The following GPD2 variants were observed in gnomAD, a reference collection of about 807,000 sequenced individuals.
GPD2 encodes the protein glycerol-3-phosphate dehydrogenase, mitochondrial.
GPD2 carries 54 observed loss-of-function variants against 82.4 expected under a neutral mutation model. The observed-to-expected ratio is 0.66, with a 90% confidence interval of 0.53 to 0.82. GPD2 has a LOEUF of 0.82. Among genes scored for constraint, GPD2 ranks in the 40% least tolerant of loss-of-function variants. GPD2 has a pLI of 0.00. For missense variants in GPD2, 748 were observed against 896.2 expected (o/e 0.83, Z 2.11); for synonymous variants, 288 against 306.1 (o/e 0.94, Z 0.62).
intron 6 of GPD2, among the ~76,000 whole-genome samples, chr2:156,547,548 G>C (rs1451234144): frequency 6.6e-6 from 1 of 152,178 alleles, no homozygotes; most frequent in African/African-American, 2.4e-5. Flanking sequence ...TCTCAGATTT[G>C]AGTCAAGACA....
At chr2:156,459,660 C>A (rs1682914773) in intron 1 of GPD2, among the ~76,000 whole-genome samples, 1 of 112,352 alleles carries the variant, frequency 8.9e-6, no homozygotes, top group South Asian at 3.0e-4. Context: ...TGCATTCTAG[C>A]CTGGCGACAG....
intron 9 of GPD2, among the ~76,000 whole-genome samples, chr2:156,565,259 A>G (rs1056499827): frequency 6.6e-6 from 1 of 152,108 alleles, no homozygotes; most frequent in African/African-American, 2.4e-5. Flanking sequence ...GACCACAATG[A>G]CGTTGTAAGC....
At chr2:156,540,615 T>C (rs1250110898) in intron 6 of GPD2, among the ~76,000 whole-genome samples, 1 of 152,242 alleles carries the variant, frequency 6.6e-6, no homozygotes, top group African/African-American at 2.4e-5. Context: ...ATTTCCTTTA[T>C]GAAAAGTGAC....
At chr2:156,514,941 A>C (rs2105277219) in intron 6 of GPD2, among the ~76,000 whole-genome samples, 1 of 152,274 alleles carries the variant, frequency 6.6e-6, no homozygotes. Context: ...GTATGAAGGC[A>C]TTCTGTAAAT....
the GPD2 span, among the ~76,000 whole-genome samples, chr2:156,423,206 A>G: frequency 6.6e-6 from 1 of 152,170 alleles, no homozygotes; most frequent in African/African-American, 2.4e-5. Context: ...GTTTTCACAT[A>G]TTTTTGTTTT....
rs1574030280 is a variant in GPD2 at position 156,586,201 on chromosome 2, A to G, written c.*3283A>G. The stretch of plus-strand genomic sequence containing the variant: ...TACTTGCAGTCAGATAACTTTGATT[A>G]CTGTTGAAGTTTAAAAAAAGTTTGA... On this transcript the variant is annotated 3_prime_UTR_variant, in exon 17 of 17. Transcript: ENST00000438166. 1 of 152,414 alleles carries G rather than the reference A, an allele frequency of 6.6e-6. No homozygotes were observed. The highest frequency in any genetic ancestry group is 1.9e-4 in the East Asian group (1 of 5,174). 9.4% of individuals were successfully genotyped at this position (152,414 alleles called of 1,614,324 possible). A position where few individuals can be genotyped will look rare whatever the true frequency, so the allele number is the denominator to read the frequency against.
At chr2:156,533,119 T>G (rs750330728) in intron 6 of GPD2, among the ~76,000 whole-genome samples, 4 of 152,176 alleles carry the variant, frequency 2.6e-5, no homozygotes, top group Non-Finnish European at 5.9e-5. Flanking sequence ...TGCAGAATGT[T>G]TCTCTTGGTG....
chr2:156,459,706 A>AAAAAAAAAAAG (rs1553465808), intron 1 of GPD2, among the ~76,000 whole-genome samples: 15 of 148,960 alleles, frequency 1.0e-4, no homozygotes, highest in Middle Eastern at 3.5e-3. Context: ...AAAAAAAAAA[A>AAAAAAAAAAAG]AAAGAAAGAA....
chr2:156,560,631 A>G (rs569726857), intron 9 of GPD2, among the ~76,000 whole-genome samples: 4 of 152,292 alleles, frequency 2.6e-5, no homozygotes, highest in Non-Finnish European at 5.9e-5. Context: ...CTTATTTCTA[A>G]TTGACTGAAA....
intron 1 of GPD2, among the ~76,000 whole-genome samples, chr2:156,459,557 G>A (rs1682910654): frequency 1.3e-5 from 2 of 151,526 alleles, no homozygotes; most frequent in East Asian, 1.9e-4. Flanking sequence ...GCATGGTGGC[G>A]CATGCCTGTA....
At chr2:156,457,537 C>G (rs185843974) in intron 1 of GPD2, among the ~76,000 whole-genome samples, 1 of 152,312 alleles carries the variant, frequency 6.6e-6, no homozygotes, top group African/African-American at 2.4e-5. Flanking sequence ...AGTGTCCATT[C>G]TATTTGAGTG....
intron 1 of GPD2, among the ~76,000 whole-genome samples, chr2:156,468,546 G>C (rs562580349): frequency 6.6e-6 from 1 of 152,168 alleles, no homozygotes; most frequent in Non-Finnish European, 1.5e-5. Flanking sequence ...ACCACAAAAG[G>C]CTTAGGTAAA....
At chr2:156,464,033 GA>G (rs1189863126) in intron 1 of GPD2, among the ~76,000 whole-genome samples, 3 of 152,170 alleles carry the variant, frequency 2.0e-5, no homozygotes, top group Non-Finnish European at 4.4e-5. Context: ...CAACTGAGGA[GA>G]GTAAGATCTT....
chr2:156,470,997 G>A (rs1262297382), intron 1 of GPD2, among the ~76,000 whole-genome samples: 5 of 152,212 alleles, frequency 3.3e-5, no homozygotes, highest in African/African-American at 1.2e-4. Context: ...TGTTTTCTGA[G>A]TAGATGTTCC....
the GPD2 span, among the ~76,000 whole-genome samples, chr2:156,400,605 T>A: frequency 1.3e-5 from 2 of 152,214 alleles, no homozygotes; most frequent in East Asian, 3.8e-4. Context: ...GCGCGAGGTC[T>A]GAATGCACAG....
At chr2:156,472,779 G>A (rs1683377566) in intron 1 of GPD2, among the ~76,000 whole-genome samples, 1 of 152,130 alleles carries the variant, frequency 6.6e-6, no homozygotes, top group Admixed American at 6.5e-5. Flanking sequence ...AACAAAATAT[G>A]GTATAGCTTT....
intron 6 of GPD2, among the ~76,000 whole-genome samples, chr2:156,516,340 A>G (rs1685195605): frequency 6.6e-6 from 1 of 152,282 alleles, no homozygotes; most frequent in South Asian, 2.1e-4. Context: ...AAAATTAGCC[A>G]TTTTAAAGTG....
At chr2:156,411,669 G>T in the GPD2 span, among the ~76,000 whole-genome samples, 1 of 152,210 alleles carries the variant, frequency 6.6e-6, no homozygotes, top group South Asian at 2.1e-4. Flanking sequence ...ATTTCTAGCA[G>T]TTTTTCCGTT....
At chr2:156,542,706 G>A (rs1686367883) in intron 6 of GPD2, among the ~76,000 whole-genome samples, 2 of 152,120 alleles carry the variant, frequency 1.3e-5, no homozygotes, top group African/African-American at 4.8e-5. Flanking sequence ...TAAATTAGCA[G>A]TGATGTAAGT....
Sources: gnomAD v4.1 joint callset for allele counts (sites outside exome capture counted in the v4.1 genomes callset) on GRCh38, gnomAD v4.1.1 for gene constraint, MANE v1.5 for transcripts, NCBI Gene and HGNC (gene_info 2026-07-23, HGNC 2026-07-21) for gene names.